ATAD3A: variants seen among roughly 807,000 people sequenced by gnomAD.
ATAD3A encodes ATPase family AAA domain containing 3A, also known as ATPase family AAA domain-containing protein 3A.
ATAD3A carries 46 observed loss-of-function variants against 73.8 expected under a neutral mutation model. The ratio of observed to expected loss-of-function variants is 0.62; its 90% CI spans 0.49 to 0.80. The LOEUF (loss-of-function observed/expected upper bound fraction) is 0.80, where lower values mean the gene tolerates loss of function less well. Among genes scored for constraint, ATAD3A ranks in the 30% least tolerant of loss-of-function variants. The pLI, the probability that ATAD3A is intolerant of heterozygous loss-of-function variation, is 0.00. For synonymous variants in ATAD3A, 319 were observed against 350.0 expected, an observed-to-expected ratio of 0.91 and a Z score of 0.99; for missense variants, 705 against 838.0, an observed-to-expected ratio of 0.84 and a Z score of 1.96.
chr1:1,529,717 G>T (rs1004173207), intron 15 of ATAD3A, among the ~76,000 whole-genome samples: 5 of 152,234 alleles, frequency 3.3e-5, no homozygotes, highest in Non-Finnish European at 7.3e-5. Context: ...GGGGTGGAGG[G>T]ACATTGTGTT....
rs577553746 is a variant in ATAD3A at position 1,513,888 on chromosome 1, C to T, written c.205+1415C>T. Among the ~76,000 whole-genome samples, 13 of 152,264 alleles carry T rather than the reference C, an allele frequency of 8.5e-5. No homozygotes were observed. In the South Asian group the frequency reaches 2.5e-3, roughly 29 times the overall value. ...GGCGGCTCCTCCTCACCGACTGCCT[C>T]CTCTGTCCCTTGAGGCTATAGCCCC... is the stretch of plus-strand genomic sequence containing the variant. On this transcript the variant is annotated intron_variant, in intron 1 of 15. Transcript: ENST00000378756.
rs557784367 is a variant in ATAD3A, at chr1:1,518,030, A to G, written c.444+255A>G. On this transcript the variant is annotated intron_variant, in intron 4 of 15. Coordinates refer to ENST00000378756, the MANE Select transcript of ATAD3A (RefSeq NM_001170535.3). ...ACACACTCCTCGCACACACACTCCC[A>G]GCACACACAGACAGGTGCACCCACT... Among the ~76,000 whole-genome samples, 8 of 151,762 alleles carry G rather than the reference A, an allele frequency of 5.3e-5. No homozygotes were observed. In the East Asian group the frequency reaches 5.8e-4, roughly 11 times the overall value.
intron 4 of ATAD3A, among the ~76,000 whole-genome samples, chr1:1,518,081 C>G (rs1339233071): frequency 1.3e-5 from 2 of 150,942 alleles, no homozygotes; most frequent in Non-Finnish European, 1.5e-5. Context: ...ACACACACAC[C>G]CCTGCACACA....
At chr1:1,517,093 G>T in intron 2 of ATAD3A, 1 of 1,528,720 alleles carries the variant, frequency 6.5e-7, no homozygotes, top group Non-Finnish European at 8.8e-7. Flanking sequence ...CCTCCCGGGG[G>T]GCCTTCGCGG....
In ATAD3A at chr1:1,514,787, A is replaced by C. The variant is rs571285361; in HGVS notation, c.206-1225A>C. ...TTAAAAAAGTGAGACGGGCTGCGGG[A>C]GGAAGAGAGACGGGAACAACGCACC... On this transcript the variant is annotated intron_variant, in intron 1 of 15. Transcript: ENST00000378756. 4.6e-5 allele frequency among the ~76,000 whole-genome samples: 7 copies of C among 152,312 alleles called. No homozygotes were observed. In the South Asian group the frequency reaches 1.5e-3, roughly 32 times the overall value.
chr1:1,522,984 C>T, intron 8 of ATAD3A, 85 bp downstream of exon 8: 1 of 1,541,130 alleles, frequency 6.5e-7, no homozygotes, highest in Non-Finnish European at 8.7e-7. Flanking sequence ...GCACACCCTC[C>T]CGTCCCTTCC....
chr1:1,529,292 G>A lies in ATAD3A; in HGVS notation c.1575G>A (p.Met525Ile), dbSNP rs1183761145. ...AGGTCGCTCGGCTGACGGAGGGCATGTCGGGCCGGGAGATCGCTCAGCTGG... is the reference window on the plus strand; with the variant it reads ...AGGTCGCTCGGCTGACGGAGGGCATATCGGGCCGGGAGATCGCTCAGCTGG... ...CSEVARLTEG[M>I]SGREIAQLAV... is the part of the protein sequence containing the mutation. Residue 525 changes from methionine (M) to isoleucine (I), a missense_variant, in exon 15 of 16, where the codon ATG (methionine) becomes ATA (isoleucine). Physicochemically the swap from Met to Ile is conservative, Grantham distance 10. Transcript: ENST00000378756. The A allele has an allele frequency of 3.7e-6, 6 of 1,605,596 alleles. No individual in the cohort carries two copies. The highest frequency in any genetic ancestry group is 3.4e-6 in the Non-Finnish European group (4 of 1,176,950).
At chr1:1,517,179 G>A (rs1641387595) in intron 2 of ATAD3A, 132 bp from the exon 3 acceptor site, 3 of 1,548,236 alleles carry the variant, frequency 1.9e-6, no homozygotes, top group Non-Finnish European at 2.6e-6. Context: ...GCGGCTGGAA[G>A]CCCTGAGCCT....
At chr1:1,515,485 C>G (rs141154957) in intron 1 of ATAD3A, among the ~76,000 whole-genome samples, 1 of 152,194 alleles carries the variant, frequency 6.6e-6, no homozygotes, top group Non-Finnish European at 1.5e-5. Flanking sequence ...TTCTGTCCCA[C>G]GACACCCAAA....
intron 15 of ATAD3A, among the ~76,000 whole-genome samples, chr1:1,532,639 C>T (rs1642068208): frequency 6.6e-6 from 1 of 152,282 alleles, no homozygotes; most frequent in Non-Finnish European, 1.5e-5. Context: ...GAGGGGTGGC[C>T]CCGTGAGCAT....
intron 15 of ATAD3A, among the ~76,000 whole-genome samples, chr1:1,530,582 C>T (rs1330517821): frequency 2.2e-5 from 3 of 133,458 alleles, no homozygotes; most frequent in South Asian, 2.3e-4. Flanking sequence ...GTAATCCCAG[C>T]ACTTTGGGAG....
At chr1:1,516,166 G>T in intron 2 of ATAD3A, 78 bp downstream of exon 2, 1 of 1,599,676 alleles carries the variant, frequency 6.3e-7, no homozygotes, top group Non-Finnish European at 8.5e-7. Context: ...GCTACTGCCG[G>T]TGGGTAGGGC....
chr1:1,516,952 T>G, intron 2 of ATAD3A: 1 of 772,118 alleles, frequency 1.3e-6, no homozygotes, highest in South Asian at 1.9e-5. Context: ...CCTCAGTTGA[T>G]CCACCCACTT....
chr1:1,523,211 G>A lies in ATAD3A; in HGVS notation c.907-300G>A, dbSNP rs1352294584. ...TATCAGGGAAGCTGCTACAGGCCAC[G>A]GCGTCTGGTGGCCTCCCTGGGGAGC... On this transcript the variant is annotated intron_variant, in intron 8 of 15. Coordinates refer to ENST00000378756, the MANE Select transcript of ATAD3A (RefSeq NM_001170535.3). This position sits in a 1 kb window ranked among gnomAD's most constrained non-coding sequence, Gnocchi z 5.1. 2.5e-4 allele frequency among the ~76,000 whole-genome samples: 38 copies of A among 152,184 alleles called. No homozygotes were observed. In the East Asian group the frequency reaches 2.5e-3, roughly 10 times the overall value.
intron 14 of ATAD3A, among the ~76,000 whole-genome samples, chr1:1,528,188 C>G (rs1183892564): frequency 6.6e-6 from 1 of 152,148 alleles, no homozygotes; most frequent in Non-Finnish European, 1.5e-5. Flanking sequence ...GTCTCAAACT[C>G]CTGACCTCAA....
chr1:1,528,925 C>T (rs527984402), intron 14 of ATAD3A, among the ~76,000 whole-genome samples: 13 of 152,340 alleles, frequency 8.5e-5, no homozygotes, highest in Non-Finnish European at 1.2e-4. Context: ...TGCTAGAAGT[C>T]GGGGCTCCGC....
At chr1:1,527,406 C>T (rs563347372) in intron 13 of ATAD3A, among the ~76,000 whole-genome samples, 3 of 152,358 alleles carry the variant, frequency 2.0e-5, no homozygotes, top group Admixed American at 1.3e-4. Flanking sequence ...ATCCCTGCTC[C>T]CAGCACAGCA....
In ATAD3A at chr1:1,524,141, G is replaced by A. The variant is rs549472980; in HGVS notation, c.1090-132G>A. ...GCCTCCCATCTTCCAGGCGGGGGAC[G>A]TCTCCTGTCTGGCAGGCTGTGGCTT... On this transcript the variant is annotated intron_variant, in intron 10 of 15. Transcript: ENST00000378756. 4.1e-3 allele frequency: 6,249 copies of A among 1,538,248 alleles called. 85 individuals are homozygous for A. The African/African-American group carries it at 0.075, about 18-fold the overall frequency.
intron 1 of ATAD3A, among the ~76,000 whole-genome samples, chr1:1,515,310 C>G (rs865864419): frequency 6.6e-6 from 1 of 152,096 alleles, no homozygotes; most frequent in Admixed American, 6.6e-5. Flanking sequence ...CTCCTGGACT[C>G]AAGTGATCCA....
Sources: gnomAD v4.1 joint callset for allele counts (sites outside exome capture counted in the v4.1 genomes callset) on GRCh38, gnomAD v4.1.1 for gene constraint, Gnocchi (gnomAD v3.1) non-coding constraint, MANE v1.5 for transcripts, NCBI Gene and HGNC (gene_info 2026-07-23, HGNC 2026-07-21) for gene names.